The following EPHA6 variants were observed in gnomAD, a reference collection of about 807,000 sequenced individuals.
EPHA6 encodes ephrin type-A receptor 6.
Under a neutral mutation model 112.0 loss-of-function variants are expected in EPHA6, and 50 were observed. The ratio of observed to expected loss-of-function variants is 0.45; its 90% CI spans 0.36 to 0.56. The LOEUF (loss-of-function observed/expected upper bound fraction) is 0.56. Ranked by LOEUF, EPHA6 falls within the 20% of genes least tolerant of loss-of-function variation. The probability of loss-of-function intolerance (pLI) is 0.00; values close to 1 mark genes in which losing one functional copy is unlikely to be tolerated. For missense variants in EPHA6, 1,280 were observed against 1,417.4 expected, an observed-to-expected ratio of 0.90 and a Z score of 1.56; for synonymous variants, 529 against 490.7, an observed-to-expected ratio of 1.08 and a Z score of -1.03.
chr3:97,322,785 G>GA (rs1440848694), intron 5 of EPHA6, among the ~76,000 whole-genome samples: 2 of 151,722 alleles, frequency 1.3e-5, no homozygotes, highest in African/African-American at 4.8e-5. Flanking sequence ...TAATTGAATG[G>GA]AAAAACTAAG....
At chr3:96,836,451 T>G (rs772989892) in intron 1 of EPHA6, among the ~76,000 whole-genome samples, 23 of 152,164 alleles carry the variant, frequency 1.5e-4, no homozygotes, top group Admixed American at 4.6e-4. Context: ...TTTACAAGGT[T>G]GTTGTAGCAA....
intron 11 of EPHA6, among the ~76,000 whole-genome samples, chr3:97,539,023 C>CTT: frequency 6.7e-6 from 1 of 148,392 alleles, no homozygotes; most frequent in South Asian, 2.1e-4. Context: ...TTCTTTCTTT[C>CTT]TTTCTTTCTT....
chr3:97,708,707 A>G (rs1039988206), intron 14 of EPHA6, among the ~76,000 whole-genome samples: 1 of 152,206 alleles, frequency 6.6e-6, no homozygotes, highest in Non-Finnish European at 1.5e-5. Context: ...CTAGGAGTGA[A>G]AAGTGGTTTC....
At chr3:97,624,616 G>A (rs1170884127) in intron 13 of EPHA6, among the ~76,000 whole-genome samples, 1 of 151,514 alleles carries the variant, frequency 6.6e-6, no homozygotes, top group Non-Finnish European at 1.5e-5. Context: ...GAAGTTTGAG[G>A]AGGATTTGTG....
At chr3:97,515,158 T>C (rs1356541012) in intron 10 of EPHA6, among the ~76,000 whole-genome samples, 1 of 152,190 alleles carries the variant, frequency 6.6e-6, no homozygotes, top group Non-Finnish European at 1.5e-5. Flanking sequence ...AACAGAACCA[T>C]ACATTACTAA....
At chr3:96,866,111 T>C (rs758135900) in intron 1 of EPHA6, among the ~76,000 whole-genome samples, 4 of 152,068 alleles carry the variant, frequency 2.6e-5, no homozygotes, top group Non-Finnish European at 2.9e-5. Flanking sequence ...TTTGTGAAGT[T>C]CTCCCAGAAC....
chr3:97,639,748 T>G (rs2093984501), intron 14 of EPHA6, among the ~76,000 whole-genome samples: 1 of 152,196 alleles, frequency 6.6e-6, no homozygotes, highest in Non-Finnish European at 1.5e-5. Flanking sequence ...TGGCATTTTC[T>G]GTCTTATGTG....
chr3:97,481,662 CA>C (rs1156559347), intron 9 of EPHA6, among the ~76,000 whole-genome samples: 2 of 151,572 alleles, frequency 1.3e-5, no homozygotes, highest in Admixed American at 6.6e-5. Context: ...CCCCTGCCTT[CA>C]ACGGCCGCCC....
At chr3:97,363,171 A>AAT (rs58214738) in intron 5 of EPHA6, among the ~76,000 whole-genome samples, 2 of 51,458 alleles carry the variant, frequency 3.9e-5, no homozygotes, top group African/African-American at 4.6e-5. Flanking sequence ...TTGCCCCTGC[A>AAT]ATATATATAT....
Position 96,904,852 on chromosome 3 carries a change from G to T in EPHA6, c.450+37963G>T, listed in dbSNP as rs1011573563. On this transcript the variant is annotated intron_variant, in intron 2 of 17. Transcript: ENST00000389672. ...AAGCTTCTGGTAAATAAGAAAATTAGCTATCAAATAAATTAAAACTATATT... is the reference window on the plus strand; with the variant it reads ...AAGCTTCTGGTAAATAAGAAAATTATCTATCAAATAAATTAAAACTATATT... Among the ~76,000 whole-genome samples the T allele has an allele frequency of 5.3e-5, 8 of 152,050 alleles. 1 individual carries two copies. The highest frequency in any genetic ancestry group is 3.9e-4 in the Admixed American group (6 of 15,226).
At chr3:97,074,294 T>C (rs1321650001) in intron 3 of EPHA6, among the ~76,000 whole-genome samples, 1 of 151,978 alleles carries the variant, frequency 6.6e-6, no homozygotes, top group Non-Finnish European at 1.5e-5. Flanking sequence ...CAATGAAAGT[T>C]AGTATGTCAG....
At chr3:97,626,500 T>C (rs970587990) in intron 13 of EPHA6, among the ~76,000 whole-genome samples, 1 of 151,554 alleles carries the variant, frequency 6.6e-6, no homozygotes, top group African/African-American at 2.4e-5. Context: ...CTGAGGATGG[T>C]AGTGAAGGGA....
At chr3:97,019,907 T>C (rs542239237) in intron 3 of EPHA6, among the ~76,000 whole-genome samples, 1 of 152,328 alleles carries the variant, frequency 6.6e-6, no homozygotes, top group Admixed American at 6.5e-5. Context: ...TTTGAATCAT[T>C]GGTCCCAGTT....
intron 12 of EPHA6, among the ~76,000 whole-genome samples, chr3:97,605,136 G>T (rs1481059793): frequency 6.6e-6 from 1 of 151,420 alleles, no homozygotes; most frequent in East Asian, 1.9e-4. Flanking sequence ...CTAAAACAGA[G>T]AAATTCATAG....
chr3:97,160,902 A>T (rs2076398961), intron 3 of EPHA6, among the ~76,000 whole-genome samples: 1 of 152,100 alleles, frequency 6.6e-6, no homozygotes, highest in African/African-American at 2.4e-5. Flanking sequence ...ACCATCTATA[A>T]ATCAGGTACC....
At chr3:97,275,989 A>G (rs568164680) in intron 5 of EPHA6, among the ~76,000 whole-genome samples, 7 of 152,274 alleles carry the variant, frequency 4.6e-5, no homozygotes, top group Admixed American at 2.0e-4. Context: ...TAACTAAAAA[A>G]GAGTGCATAA....
intron 14 of EPHA6, among the ~76,000 whole-genome samples, chr3:97,675,940 A>C (rs1478588824): frequency 6.6e-6 from 1 of 152,148 alleles, no homozygotes; most frequent in Non-Finnish European, 1.5e-5. Flanking sequence ...ATTGCATTGG[A>C]TGTGAGAGAA....
intron 3 of EPHA6, among the ~76,000 whole-genome samples, chr3:97,222,733 A>G (rs1164885590): frequency 6.6e-6 from 1 of 152,232 alleles, no homozygotes; most frequent in East Asian, 1.9e-4. Flanking sequence ...GAATTTAATT[A>G]GCAGAGTACT....
chr3:97,345,883 A>T (rs143769732), intron 5 of EPHA6, among the ~76,000 whole-genome samples: 1 of 152,218 alleles, frequency 6.6e-6, no homozygotes, highest in African/African-American at 2.4e-5. Flanking sequence ...TGCTTCTCAA[A>T]GTATTCATAG....
Sources: allele counts gnomAD v4.1 joint callset (sites outside exome capture counted in the v4.1 genomes callset), GRCh38; gene constraint gnomAD v4.1.1; transcripts MANE v1.5; gene names NCBI Gene and HGNC (gene_info 2026-07-23, HGNC 2026-07-21).